NKAIN2: variants seen among roughly 807,000 people sequenced by gnomAD.
NKAIN2 encodes the protein sodium/potassium transporting ATPase interacting 2.
Under a neutral mutation model 32.6 loss-of-function variants are expected in NKAIN2, and 14 were observed. That is an observed-to-expected ratio of 0.43 (90% confidence interval 0.28 to 0.67). The LOEUF (loss-of-function observed/expected upper bound fraction) is 0.67. Among genes scored for constraint, NKAIN2 ranks in the 30% least tolerant of loss-of-function variants. NKAIN2 has a pLI of 0.17. For synonymous variants in NKAIN2, 80 were observed against 87.2 expected (o/e 0.92, Z 0.46); for missense variants, 198 against 258.3 (o/e 0.77, Z 1.60).
chr6:124,664,793 C>CAAAAAAAAAAAAAAAAAAAAA (rs57032378), intron 4 of NKAIN2, among the ~76,000 whole-genome samples: 1 of 40,798 alleles, frequency 2.5e-5, no homozygotes, highest in African/African-American at 9.8e-5. Flanking sequence ...GACTCCGTCT[C>CAAAAAAAAAAAAAAAAAAAAA]AAAAAAAAAA....
chr6:124,388,194 C>A (rs1772993518), intron 3 of NKAIN2, among the ~76,000 whole-genome samples: 1 of 150,058 alleles, frequency 6.7e-6, no homozygotes, highest in African/African-American at 2.5e-5. Context: ...AAAAAAAAAA[C>A]CCTGCTTACC....
chr6:124,223,212 CAAAAAAAAAA>C (rs369262954), intron 1 of NKAIN2, among the ~76,000 whole-genome samples: 1 of 68,220 alleles, frequency 1.5e-5, no homozygotes, highest in African/African-American at 5.9e-5. Flanking sequence ...GACTCCATCT[CAAAAAAAAAA>C]AAAAAAAAAA....
At chr6:124,323,847 G>C (rs572228846) in intron 2 of NKAIN2, among the ~76,000 whole-genome samples, 1 of 145,966 alleles carries the variant, frequency 6.9e-6, no homozygotes, top group Non-Finnish European at 1.5e-5. Flanking sequence ...GAGTTCAGTG[G>C]CACAATCTCG....
chr6:124,672,832 C>T (rs1773172481), intron 4 of NKAIN2, among the ~76,000 whole-genome samples: 1 of 152,016 alleles, frequency 6.6e-6, no homozygotes, highest in Non-Finnish European at 1.5e-5. Context: ...GCCTCAGTTT[C>T]CTCATCTGTA....
chr6:123,966,356 T>C (rs962999686), intron 1 of NKAIN2, among the ~76,000 whole-genome samples: 2 of 152,088 alleles, frequency 1.3e-5, no homozygotes, highest in African/African-American at 4.8e-5. Context: ...ATCATGTCCT[T>C]CCCCCAGTAT....
chr6:124,435,005 CAA>C (rs1775378845), intron 3 of NKAIN2, among the ~76,000 whole-genome samples: 1 of 151,944 alleles, frequency 6.6e-6, no homozygotes, highest in African/African-American at 2.4e-5. Context: ...ACTTATTAAT[CAA>C]GAGAACAGAA....
intron 3 of NKAIN2, among the ~76,000 whole-genome samples, chr6:124,482,976 G>T (rs1777512547): frequency 6.6e-6 from 1 of 152,122 alleles, no homozygotes; most frequent in Admixed American, 6.5e-5. Flanking sequence ...CCAAAAATTA[G>T]CCGGGCGTGG....
chr6:124,310,614 C>T (rs1796672967), intron 2 of NKAIN2, among the ~76,000 whole-genome samples: 1 of 152,068 alleles, frequency 6.6e-6, no homozygotes, highest in African/African-American at 2.4e-5. Flanking sequence ...ACATACCATG[C>T]ACTTCTTACA....
intron 1 of NKAIN2, among the ~76,000 whole-genome samples, chr6:124,169,050 A>G (rs1002120673): frequency 2.0e-5 from 3 of 152,152 alleles, no homozygotes; most frequent in Non-Finnish European, 4.4e-5. Flanking sequence ...CTCATGTTCA[A>G]TATGTGCTTT....
chr6:124,446,742 C>T (rs1775909513), intron 3 of NKAIN2, among the ~76,000 whole-genome samples: 1 of 152,092 alleles, frequency 6.6e-6, no homozygotes, highest in South Asian at 2.1e-4. Context: ...CATCTCATTA[C>T]TATGTATGTG....
chr6:124,138,152 C>T (rs1428743338), intron 1 of NKAIN2, among the ~76,000 whole-genome samples: 1 of 151,714 alleles, frequency 6.6e-6, no homozygotes, highest in African/African-American at 2.4e-5. Context: ...AAACAAATAA[C>T]CTTATCAAAA....
chr6:123,927,139 G>T (rs1432663839), intron 1 of NKAIN2, among the ~76,000 whole-genome samples: 2 of 151,996 alleles, frequency 1.3e-5, no homozygotes, highest in Non-Finnish European at 2.9e-5. Flanking sequence ...ATGTGGCCAT[G>T]GAGAAGATGA....
chr6:123,946,296 A>C (rs927036065), intron 1 of NKAIN2, among the ~76,000 whole-genome samples: 1 of 152,096 alleles, frequency 6.6e-6, no homozygotes, highest in Non-Finnish European at 1.5e-5. Flanking sequence ...TGTTTTGTAC[A>C]TTTGTTTCTT....
intron 1 of NKAIN2, among the ~76,000 whole-genome samples, chr6:124,109,953 A>G (rs982491484): frequency 1.3e-5 from 2 of 152,000 alleles, no homozygotes; most frequent in East Asian, 1.9e-4. Flanking sequence ...TAAATGCCGC[A>G]TAATCATCAT....
intron 1 of NKAIN2, among the ~76,000 whole-genome samples, chr6:124,260,143 T>C (rs1393649850): frequency 6.6e-6 from 1 of 152,156 alleles, no homozygotes; most frequent in Non-Finnish European, 1.5e-5. Context: ...TGGAGATTCA[T>C]TTAGGTCTTC....
rs145162971 is a variant in NKAIN2 at position 124,624,130 on chromosome 6, G to A, written c.274-34056G>A. 3.7e-3 allele frequency among the ~76,000 whole-genome samples: 571 copies of A among 152,290 alleles called. 4 individuals are homozygous for A. The highest frequency in any genetic ancestry group is 0.013 in the African/African-American group (530 of 41,566). ...ACTTACATGCTCTTAAGAAGGAAGA[G>A]CTTCCTGGGACCCTTATGTTAAGTA... On this transcript the variant is annotated intron_variant, in intron 3 of 6. Coordinates refer to ENST00000368417, the MANE Select transcript of NKAIN2 (RefSeq NM_001040214.3).
At chr6:124,382,977 G>A (rs559686472) in intron 3 of NKAIN2, among the ~76,000 whole-genome samples, 1 of 152,278 alleles carries the variant, frequency 6.6e-6, no homozygotes, top group Non-Finnish European at 1.5e-5. Flanking sequence ...CCTTACCACA[G>A]TCAAGGAGGT....
intron 5 of NKAIN2, among the ~76,000 whole-genome samples, chr6:124,797,519 A>C (rs1780055415): frequency 6.6e-6 from 1 of 152,262 alleles, no homozygotes; most frequent in Non-Finnish European, 1.5e-5. Flanking sequence ...GCACAAATGC[A>C]TCAAAACCTG....
intron 1 of NKAIN2, among the ~76,000 whole-genome samples, chr6:124,035,830 T>C (rs908003448): frequency 1.2e-4 from 19 of 152,094 alleles, no homozygotes; most frequent in Non-Finnish European, 2.6e-4. Context: ...CACTGTACCT[T>C]AGTACTGCTT....
Sources: allele counts gnomAD v4.1 joint callset (sites outside exome capture counted in the v4.1 genomes callset), GRCh38; gene constraint gnomAD v4.1.1; transcripts MANE v1.5; gene names NCBI Gene and HGNC (gene_info 2026-07-23, HGNC 2026-07-21).